CA10: variants seen among roughly 807,000 people sequenced by gnomAD.
CA10 encodes the protein carbonic anhydrase 10 (inactive).
A neutral mutation model predicts 44.2 loss-of-function variants in CA10; 14 were observed. The ratio of observed to expected loss-of-function variants is 0.32; its 90% CI spans 0.21 to 0.50. The LOEUF (loss-of-function observed/expected upper bound fraction) is 0.50. Among genes scored for constraint, CA10 ranks in the 20% least tolerant of loss-of-function variants. The pLI is 0.99. For missense variants in CA10, 350 were observed against 409.7 expected, an observed-to-expected ratio of 0.85 and a Z score of 1.26; for synonymous variants, 159 against 141.6, an observed-to-expected ratio of 1.12 and a Z score of -0.87.
At chr17:52,064,611 C>T (rs1987483681) in intron 2 of CA10, among the ~76,000 whole-genome samples, 1 of 151,822 alleles carries the variant, frequency 6.6e-6, no homozygotes, top group Non-Finnish European at 1.5e-5. Context: ...AATTAGACAT[C>T]AGTGGTAACT....
chr17:51,650,266 C>A (rs1913516312), intron 5 of CA10, among the ~76,000 whole-genome samples: 1 of 152,164 alleles, frequency 6.6e-6, no homozygotes, highest in African/African-American at 2.4e-5. Flanking sequence ...TCATCCTAGT[C>A]ATTTCTCTCC....
intron 1 of CA10, among the ~76,000 whole-genome samples, chr17:52,078,381 A>G (rs1340376885): frequency 6.6e-6 from 1 of 152,220 alleles, no homozygotes; most frequent in Non-Finnish European, 1.5e-5. Flanking sequence ...AAGCACATAC[A>G]TTGCAAAAAT....
intron 3 of CA10, among the ~76,000 whole-genome samples, chr17:51,752,993 C>G (rs1009354155): frequency 3.9e-5 from 6 of 152,078 alleles, no homozygotes; most frequent in African/African-American, 1.4e-4. Context: ...ATTTCTTCTC[C>G]AGTCTCTATT....
chr17:51,922,659 C>T (rs993943138), intron 3 of CA10, among the ~76,000 whole-genome samples: 5 of 152,134 alleles, frequency 3.3e-5, no homozygotes, highest in South Asian at 2.1e-4. Context: ...TCGGTACTAT[C>T]GTTTGTGATT....
chr17:51,848,343 C>T (rs1308590156), intron 3 of CA10, among the ~76,000 whole-genome samples: 1 of 152,078 alleles, frequency 6.6e-6, no homozygotes, highest in East Asian at 1.9e-4. Flanking sequence ...GCTTGTGCCT[C>T]ACTCCTCTCA....
At chr17:52,095,406 G>A (rs1235699775) in intron 1 of CA10, among the ~76,000 whole-genome samples, 2 of 152,060 alleles carry the variant, frequency 1.3e-5, no homozygotes, top group Non-Finnish European at 1.5e-5. Context: ...TGATAGTTAT[G>A]TAGTATATAC....
chr17:51,764,417 A>G (rs889226843), intron 3 of CA10, among the ~76,000 whole-genome samples: 12 of 152,196 alleles, frequency 7.9e-5, no homozygotes, highest in African/African-American at 2.9e-4. Flanking sequence ...CCCATGTCCC[A>G]CTATGAGAAA....
intron 4 of CA10, among the ~76,000 whole-genome samples, chr17:51,685,253 G>A (rs769604599): frequency 3.1e-4 from 47 of 152,136 alleles, no homozygotes; most frequent in Admixed American, 2.6e-4. Context: ...TGGGGAAGAT[G>A]GCATGAAGAC....
At chr17:52,066,909 C>A (rs184696830) in intron 2 of CA10, among the ~76,000 whole-genome samples, 33 of 152,184 alleles carry the variant, frequency 2.2e-4, no homozygotes, top group African/African-American at 7.7e-4. Context: ...GACTTGGGTG[C>A]TCTTAAAAGT....
intron 3 of CA10, among the ~76,000 whole-genome samples, chr17:51,869,005 CG>C (rs1979684861): frequency 6.6e-6 from 1 of 150,678 alleles, no homozygotes; most frequent in East Asian, 1.9e-4. Flanking sequence ...TTGATGAAAA[CG>C]TATTACTTTA....
intron 3 of CA10, among the ~76,000 whole-genome samples, chr17:51,896,966 A>C (rs1981097806): frequency 6.6e-6 from 1 of 152,062 alleles, no homozygotes; most frequent in Non-Finnish European, 1.5e-5. Flanking sequence ...GATGCTGGGA[A>C]TTAGACCTTT....
chr17:51,683,346 C>T (rs138068311), intron 4 of CA10, among the ~76,000 whole-genome samples: 2 of 152,188 alleles, frequency 1.3e-5, no homozygotes, highest in Non-Finnish European at 2.9e-5. Context: ...AATTTATTAG[C>T]TCTGTGACCT....
chr17:52,063,651 G>A (rs2143103092), intron 2 of CA10, among the ~76,000 whole-genome samples: 1 of 152,198 alleles, frequency 6.6e-6, no homozygotes, highest in South Asian at 2.1e-4. Context: ...TGTGATCTTT[G>A]TACATGCTGC....
chr17:51,768,571 T>A (rs1343983958), intron 3 of CA10, among the ~76,000 whole-genome samples: 5 of 152,232 alleles, frequency 3.3e-5, no homozygotes, highest in Non-Finnish European at 7.3e-5. Flanking sequence ...GCAATGAGGA[T>A]GTCATCTGCT....
intron 4 of CA10, among the ~76,000 whole-genome samples, chr17:51,704,956 G>A (rs1433849361): frequency 2.7e-5 from 4 of 148,348 alleles, no homozygotes; most frequent in Admixed American, 1.4e-4. Flanking sequence ...GTGACAGAGC[G>A]ACTCTGTCTA....
At chr17:52,124,391 T>A (rs1005362387) in intron 1 of CA10, among the ~76,000 whole-genome samples, 1 of 152,148 alleles carries the variant, frequency 6.6e-6, no homozygotes, top group Admixed American at 6.5e-5. Context: ...GATCTGGGAT[T>A]CAGAACCAGG....
chr17:51,800,897 T>A (rs766501370), intron 3 of CA10, among the ~76,000 whole-genome samples: 4 of 152,186 alleles, frequency 2.6e-5, no homozygotes, highest in African/African-American at 4.8e-5. Flanking sequence ...CCAGCCTTCA[T>A]CAAATTCGGC....
At chr17:51,682,173 T>C (rs1914869628) in intron 4 of CA10, among the ~76,000 whole-genome samples, 1 of 152,216 alleles carries the variant, frequency 6.6e-6, no homozygotes, top group Non-Finnish European at 1.5e-5. Flanking sequence ...AGAAGACTCT[T>C]GAAAACTCTG....
At chr17:51,907,334 G>A (rs532840953) in intron 3 of CA10, among the ~76,000 whole-genome samples, 2 of 152,178 alleles carry the variant, frequency 1.3e-5, no homozygotes, top group Admixed American at 1.3e-4. Flanking sequence ...ATTTGAGGAA[G>A]AGGAAGGAAG....
Sources: allele counts gnomAD v4.1 joint callset (sites outside exome capture counted in the v4.1 genomes callset), GRCh38; gene constraint gnomAD v4.1.1; transcripts MANE v1.5; gene names NCBI Gene and HGNC (gene_info 2026-07-23, HGNC 2026-07-21).